SMYD2: variants seen among roughly 807,000 people sequenced by gnomAD.
The protein encoded by SMYD2 is SET and MYND domain containing 2.
SMYD2 carries 53 observed loss-of-function variants against 59.1 expected under a neutral mutation model. The ratio of observed to expected loss-of-function variants is 0.90; its 90% CI spans 0.72 to 1.13. The LOEUF (loss-of-function observed/expected upper bound fraction) is 1.13. Among genes scored for constraint, SMYD2 ranks in the 50% most tolerant of loss-of-function variants. The pLI is 0.00. For synonymous variants in SMYD2, 208 were observed against 198.8 expected (o/e 1.05, Z -0.39); for missense variants, 494 against 544.7 (o/e 0.91, Z 0.93).
At position 214,314,812 on chromosome 1, in the gene SMYD2, TG is replaced by T; in HGVS notation, c.292del (p.Glu98LysfsTer9). 1 of 1,614,146 alleles carries T rather than the reference TG, an allele frequency of 6.2e-7. No individual in the cohort carries two copies. Among genetic ancestry groups the T allele is most frequent in the Non-Finnish European group, 8.5e-7 (1 of 1,180,000 alleles). Reference protein sequence around the residue: ...KLECSPMVVFGENWNPSETVR... With the variant: ...KLECSPMVVFXENWNPSETVR... The stretch of plus-strand genomic sequence containing the variant: ...TGGAATGTTCTCCCATGGTTGTTTT[TG>T]GGGAAAACTGGAATCCCTCGGAGAC... On this transcript the variant is annotated frameshift_variant, in exon 3 of 12. Coordinates refer to ENST00000366957, the MANE Select transcript of SMYD2 (RefSeq NM_020197.3). LOFTEE classifies it high-confidence loss of function.
chr1:214,290,602 C>T (rs969277163), intron 1 of SMYD2, among the ~76,000 whole-genome samples: 12 of 152,012 alleles, frequency 7.9e-5, no homozygotes, highest in Admixed American at 3.3e-4. Flanking sequence ...GCCCAGGGGA[C>T]GCGGAGTCAC....
At chr1:214,333,023 C>G (rs41277178) in intron 10 of SMYD2, 14,577 of 152,250 alleles carry the variant, frequency 0.096, 880 homozygotes, top group South Asian at 0.18. Context: ...CTTCCACTTC[C>G]GAGATTAGGG....
chr1:214,293,274 G>A (rs1385429639), intron 1 of SMYD2, among the ~76,000 whole-genome samples: 2 of 151,874 alleles, frequency 1.3e-5, no homozygotes, highest in Admixed American at 6.6e-5. Context: ...GGCTGGTCTC[G>A]AACTCCCGAC....
At chr1:214,299,763 C>T (rs772885889) in intron 1 of SMYD2, among the ~76,000 whole-genome samples, 12 of 152,120 alleles carry the variant, frequency 7.9e-5, no homozygotes, top group Non-Finnish European at 1.3e-4. Context: ...CCCGCCACCA[C>T]GCCCAGCTAA....
chr1:214,306,316 C>T (rs1272733190), intron 2 of SMYD2, among the ~76,000 whole-genome samples: 1 of 152,006 alleles, frequency 6.6e-6, no homozygotes, highest in African/African-American at 2.4e-5. Context: ...TTCTGAAAGG[C>T]CTCAAAGAGC....
Position 214,300,325 on chromosome 1 carries a change from C to T in SMYD2, c.174-4862C>T, listed in dbSNP as rs77198506. 3.0e-3 allele frequency among the ~76,000 whole-genome samples: 463 copies of T among 152,240 alleles called. 1 individual carries two copies. Among genetic ancestry groups the T allele is most frequent in the African/African-American group, 0.011 (444 of 41,556 alleles). The stretch of plus-strand genomic sequence containing the variant: ...AGGATCTGTTGGAGAAACATGTAGG[C>T]TCACGATACTGAATGAGAGGAGGGA... On this transcript the variant is annotated intron_variant, in intron 1 of 11. Transcript: ENST00000366957.
Position 214,330,239 on chromosome 1 carries a change from C to CT in SMYD2, c.780dup (p.Thr261TyrfsTer3). Reference sequence around the variant, plus strand: ...ATGACCGGTTAAGAGATTCTTATTTCTTTACCTGTGAGTGCCAGGAGTGTA... The same window carrying CT: ...ATGACCGGTTAAGAGATTCTTATTTCTTTTACCTGTGAGTGCCAGGAGTGTA... On this transcript the variant is annotated frameshift_variant, in exon 8 of 12. Transcript: ENST00000366957. LOFTEE classifies it high-confidence loss of function. The CT allele has an allele frequency of 6.2e-7, 1 of 1,613,478 alleles. No individual in the cohort carries two copies. The highest frequency in any genetic ancestry group is 8.5e-7 in the Non-Finnish European group (1 of 1,179,606).
Position 214,305,167 on chromosome 1 carries a change from G to A in SMYD2, c.174-20G>A. The A allele has an allele frequency of 6.2e-7, 1 of 1,612,780 alleles. No individual in the cohort carries two copies. Among genetic ancestry groups the A allele is most frequent in the Non-Finnish European group, 8.5e-7 (1 of 1,178,760 alleles). ...CGTTTCTGTGTCTGTCACCACTACA[G>A]TGCCCTTTCTGTTTTTAAGGAAAGA... On this transcript the variant is annotated intron_variant, in intron 1 of 11. Coordinates refer to ENST00000366957, the MANE Select transcript of SMYD2 (RefSeq NM_020197.3).
In SMYD2 at chr1:214,298,722, G is replaced by A. The variant is rs143094195; in HGVS notation, c.174-6465G>A. ...AAAACAAGTAACCCCGTTAAAAAGT[G>A]GGCAAAGAAGACATACAAGTGGCCA... On this transcript the variant is annotated intron_variant, in intron 1 of 11. Coordinates refer to ENST00000366957, the MANE Select transcript of SMYD2 (RefSeq NM_020197.3). Among the ~76,000 whole-genome samples the A allele has an allele frequency of 3.1e-3, 471 of 152,232 alleles. 3 individuals carry two copies. The highest frequency in any genetic ancestry group is 0.011 in the African/African-American group (456 of 41,544).
Position 214,327,725 on chromosome 1 carries a change from G to A in SMYD2, c.705+1G>A. ...ACAGGAAATCAAGCCGGGAGAGGAGGTGAGTTCATGGCTATGGGTGGCTGC... is the reference window on the plus strand; with the variant it reads ...ACAGGAAATCAAGCCGGGAGAGGAGATGAGTTCATGGCTATGGGTGGCTGC... On this transcript the variant is annotated splice_donor_variant, in intron 7 of 11. Coordinates refer to ENST00000366957, the MANE Select transcript of SMYD2 (RefSeq NM_020197.3). LOFTEE classifies it high-confidence loss of function. The A allele has an allele frequency of 6.2e-7, 1 of 1,613,838 alleles. No homozygotes were observed.
chr1:214,283,377 T>C (rs1476841972), intron 1 of SMYD2, among the ~76,000 whole-genome samples: 2 of 152,232 alleles, frequency 1.3e-5, no homozygotes, highest in African/African-American at 2.4e-5. Flanking sequence ...TGGGGTGTTA[T>C]TACAACTTGC....
Position 214,334,196 on chromosome 1 carries a change from C to A in SMYD2, c.1113-4C>A. On this transcript the variant is annotated splice_region_variant and splice_polypyrimidine_tract_variant and intron_variant, in intron 10 of 11. Coordinates refer to ENST00000366957, the MANE Select transcript of SMYD2 (RefSeq NM_020197.3). Reference sequence around the variant, plus strand: ...GTGGCCTGTTGTCTCTTCTCTTGTTCTAGTAAGCACTATCCTTTGTACTCC... The same window carrying A: ...GTGGCCTGTTGTCTCTTCTCTTGTTATAGTAAGCACTATCCTTTGTACTCC... 1 of 1,612,582 alleles carries A rather than the reference C, an allele frequency of 6.2e-7. No individual in the cohort carries two copies. Among genetic ancestry groups the A allele is most frequent in the South Asian group, 1.1e-5 (1 of 91,012 alleles).
At chr1:214,302,406 C>T (rs1290755156) in intron 1 of SMYD2, among the ~76,000 whole-genome samples, 1 of 151,976 alleles carries the variant, frequency 6.6e-6, no homozygotes, top group Non-Finnish European at 1.5e-5. Context: ...GGTTTACTAC[C>T]CTTCAGGAAC....
chr1:214,281,594 G>A (rs1025141224), intron 1 of SMYD2, among the ~76,000 whole-genome samples, 167 bp downstream of exon 1: 1 of 152,166 alleles, frequency 6.6e-6, no homozygotes, highest in Admixed American at 6.5e-5. Context: ...GCCCCGCGCT[G>A]CAGCCCCACG....
At chr1:214,306,896 C>T (rs907632938) in intron 2 of SMYD2, among the ~76,000 whole-genome samples, 3 of 152,152 alleles carry the variant, frequency 2.0e-5, no homozygotes, top group Admixed American at 6.5e-5. Flanking sequence ...TATGGCTGGG[C>T]GCGGTGGCTC....
intron 8 of SMYD2, 46 bp downstream of exon 8, chr1:214,330,324 A>C: frequency 1.1e-5 from 14 of 1,312,806 alleles, no homozygotes; most frequent in Non-Finnish European, 1.5e-5. Flanking sequence ...CTCTGATCTC[A>C]GGACCTCTCT....
chr1:214,330,401 C>A, intron 8 of SMYD2, 123 bp downstream of exon 8: 1 of 601,390 alleles, frequency 1.7e-6, no homozygotes, highest in Non-Finnish European at 2.9e-6. Context: ...ACCCTCCTTA[C>A]AAAGACAGCC....
rs541206058 is a variant in SMYD2 at position 214,304,463 on chromosome 1, G to A, written c.174-724G>A. 2.7e-5 allele frequency among the ~76,000 whole-genome samples: 4 copies of A among 149,710 alleles called. No homozygotes were observed. In the South Asian group the frequency reaches 8.4e-4, roughly 31 times the overall value. Reference sequence around the variant, plus strand: ...TAGTCCCAGTTACTTGGGAGCTGATGTGGGAGAACGGCCTACGCCCGGGAA... The same window carrying A: ...TAGTCCCAGTTACTTGGGAGCTGATATGGGAGAACGGCCTACGCCCGGGAA... On this transcript the variant is annotated intron_variant, in intron 1 of 11. Coordinates refer to ENST00000366957, the MANE Select transcript of SMYD2 (RefSeq NM_020197.3).
At chr1:214,293,034 TGTGTGTG>T (rs1656662818) in intron 1 of SMYD2, among the ~76,000 whole-genome samples, 1 of 129,862 alleles carries the variant, frequency 7.7e-6, no homozygotes, top group South Asian at 2.2e-4. Context: ...TGTGTGTGTG[TGTGTGTG>T]TGTGTGTGTG....
Sources: gnomAD v4.1 joint callset for allele counts (sites outside exome capture counted in the v4.1 genomes callset) on GRCh38, gnomAD v4.1.1 for gene constraint, MANE v1.5 for transcripts, NCBI Gene and HGNC (gene_info 2026-07-23, HGNC 2026-07-21) for gene names.